ITGA2: variants seen among roughly 807,000 people sequenced by gnomAD.
The protein encoded by ITGA2 is integrin alpha-2.
ITGA2 carries 101 observed loss-of-function variants against 146.3 expected under a neutral mutation model. The ratio of observed to expected loss-of-function variants is 0.69; its 90% CI spans 0.59 to 0.81. The LOEUF is 0.81. Among genes scored for constraint, ITGA2 ranks in the 40% least tolerant of loss-of-function variants. ITGA2 has a pLI of 0.00. For missense variants in ITGA2, 1,281 were observed against 1,402.7 expected, an observed-to-expected ratio of 0.91 and a Z score of 1.39; for synonymous variants, 477 against 487.1, an observed-to-expected ratio of 0.98 and a Z score of 0.27.
intron 3 of ITGA2, among the ~76,000 whole-genome samples, chr5:53,043,342 T>C (rs1743896259): frequency 6.6e-6 from 1 of 152,134 alleles, no homozygotes; most frequent in Non-Finnish European, 1.5e-5. Flanking sequence ...TCTTAATGTA[T>C]ATATTTTTAT....
intron 1 of ITGA2, among the ~76,000 whole-genome samples, chr5:53,010,305 C>A (rs1742061174): frequency 6.6e-6 from 1 of 152,130 alleles, no homozygotes; most frequent in Admixed American, 6.6e-5. Context: ...GCCCAGAGGC[C>A]TATGGTTGAC....
At chr5:53,037,440 A>G (rs1743544863) in intron 2 of ITGA2, among the ~76,000 whole-genome samples, 1 of 152,212 alleles carries the variant, frequency 6.6e-6, no homozygotes, top group African/African-American at 2.4e-5. Context: ...TCACCAACAT[A>G]TCCAATTTCC....
intron 1 of ITGA2, among the ~76,000 whole-genome samples, chr5:52,990,914 G>T (rs1740921979): frequency 6.6e-6 from 1 of 152,118 alleles, no homozygotes; most frequent in Non-Finnish European, 1.5e-5. Context: ...TACAACTAGA[G>T]CTAATAGAAA....
In ITGA2 at chr5:53,044,274, C is replaced by CAAA. The variant is rs11421419; in HGVS notation, c.296-697_296-695dup. ...TGGATGACAGAGTGAGACTCTGTCT[C>CAAA]AAAAAAAAAAAAAAAAAAAAAAAAA... On this transcript the variant is annotated intron_variant, in intron 3 of 29. Coordinates refer to ENST00000296585, the MANE Select transcript of ITGA2 (RefSeq NM_002203.4). Among the ~76,000 whole-genome samples, 177 of 37,774 alleles carry CAAA rather than the reference C, an allele frequency of 4.7e-3. 19 individuals carry two copies. Among genetic ancestry groups the CAAA allele is most frequent in the East Asian group, 8.0e-3 (9 of 1,120 alleles). 24.8% of individuals were successfully genotyped at this position (37,774 alleles called of 152,430 possible). A position where few individuals can be genotyped will look rare whatever the true frequency, so the allele number is the denominator to read the frequency against.
In ITGA2 at chr5:53,067,294, T is replaced by G. The variant is rs748988220; in HGVS notation, c.2083+37T>G. The G allele has an allele frequency of 1.9e-6, 3 of 1,609,706 alleles. No individual in the cohort carries two copies. In the South Asian group the frequency reaches 3.3e-5, roughly 18 times the overall value. ...TGAAATAATCTGTATAGAAATTGGT[T>G]GGCTTACAGAGTTTTAGTCCTGAAT... On this transcript the variant is annotated intron_variant, in intron 16 of 29. Transcript: ENST00000296585.
chr5:52,996,623 A>G (rs1399658967), intron 1 of ITGA2, among the ~76,000 whole-genome samples: 1 of 152,204 alleles, frequency 6.6e-6, no homozygotes, highest in African/African-American at 2.4e-5. Flanking sequence ...TGATGAGCCC[A>G]TGTATACATT....
intron 24 of ITGA2, 117 bp from the exon 25 acceptor site, chr5:53,080,394 A>G (rs910870182): frequency 2.9e-5 from 23 of 798,182 alleles, no homozygotes; most frequent in Non-Finnish European, 4.6e-5. Context: ...GCTGACTTTC[A>G]TTTGGACTCA....
chr5:53,064,543 T>G (rs1236976174), intron 13 of ITGA2, among the ~76,000 whole-genome samples: 1 of 151,936 alleles, frequency 6.6e-6, no homozygotes, highest in Non-Finnish European at 1.5e-5. Context: ...TTTATCATAT[T>G]TCTTTCACTT....
intron 1 of ITGA2, among the ~76,000 whole-genome samples, chr5:53,019,524 C>T (rs1233794458): frequency 6.6e-6 from 1 of 151,894 alleles, no homozygotes; most frequent in East Asian, 1.9e-4. Context: ...GTGTCTGAGT[C>T]ACCCTTATTT....
intron 1 of ITGA2, among the ~76,000 whole-genome samples, chr5:52,999,177 ACT>A (rs762280920): frequency 1.3e-5 from 2 of 150,940 alleles, no homozygotes; most frequent in Non-Finnish European, 3.0e-5. Context: ...CTTCAGCTTG[ACT>A]CTCTCTCCCA....
chr5:53,060,602 C>T lies in ITGA2; in HGVS notation c.1313-299C>T, dbSNP rs139272011. Among the ~76,000 whole-genome samples, 86 of 151,972 alleles carry T rather than the reference C, an allele frequency of 5.7e-4. 1 individual carries two copies. The highest frequency in any genetic ancestry group is 2.0e-3 in the African/African-American group (82 of 41,508). ...TACCTTTTAAATACATTTATTCATT[C>T]GTTCAAGAAATATTTTTTGAATGCC... On this transcript the variant is annotated intron_variant, in intron 11 of 29. Transcript: ENST00000296585.
intron 1 of ITGA2, among the ~76,000 whole-genome samples, chr5:53,009,819 G>A (rs1015792153): frequency 2.6e-5 from 4 of 152,132 alleles, no homozygotes; most frequent in African/African-American, 9.7e-5. Context: ...TGCCTTGTGA[G>A]GATGCAACAA....
chr5:53,056,414 C>G (rs138540520), intron 9 of ITGA2, among the ~76,000 whole-genome samples: 1 of 151,596 alleles, frequency 6.6e-6, no homozygotes, highest in African/African-American at 2.4e-5. Flanking sequence ...TAAATTAAAC[C>G]GACAATATGT....
chr5:53,069,474 G>A (rs1228213856), intron 16 of ITGA2, among the ~76,000 whole-genome samples: 1 of 151,790 alleles, frequency 6.6e-6, no homozygotes, highest in Non-Finnish European at 1.5e-5. Context: ...AATAGGTCAA[G>A]CACTGTCCAT....
In ITGA2 at chr5:53,081,654, T is replaced by C. The variant is rs142686524; in HGVS notation, c.3102T>C (p.Ser1034=). Residue 1034 remains serine, a synonymous_variant, in exon 26 of 30, where the codon TCT becomes TCC. Transcript: ENST00000296585. ...TGAAAATAGGACAAACATCTTCTTC[T>C]GTATCTTTCAAAAGTGAAAATTTCA... ...NPLKIGQTSS[S]VSFKSENFRH... is the part of the protein sequence containing the mutation. 54 of 1,613,152 alleles carry C rather than the reference T, an allele frequency of 3.3e-5. No individual in the cohort carries two copies. In the African/African-American group the frequency reaches 6.3e-4, roughly 19 times the overall value.
At chr5:52,989,628 C>T (rs549345064) in intron 1 of ITGA2, 96 bp downstream of exon 1, 1 of 1,340,872 alleles carries the variant, frequency 7.5e-7, no homozygotes, top group East Asian at 2.3e-5. Context: ...GGAGCGAGCT[C>T]CGTGTGTTCC....
rs1166406666 is a variant in ITGA2, at chr5:53,094,720, T to C, written c.*4121T>C. 6.6e-6 allele frequency: 1 copy of C among 152,206 alleles called. No individual in the cohort carries two copies. Among genetic ancestry groups the C allele is most frequent in the Non-Finnish European group, 1.5e-5 (1 of 68,034 alleles). 9.4% of individuals were successfully genotyped at this position (152,206 alleles called of 1,614,324 possible). On this transcript the variant is annotated 3_prime_UTR_variant, in exon 30 of 30. Coordinates refer to ENST00000296585, the MANE Select transcript of ITGA2 (RefSeq NM_002203.4). Reference sequence around the variant, plus strand: ...AACCCACTTTTTTCATACCACATTATTGAATATTGTTACAATTGTTTTGAA... The same window carrying C: ...AACCCACTTTTTTCATACCACATTACTGAATATTGTTACAATTGTTTTGAA...
At chr5:53,017,573 G>A (rs1407875536) in intron 1 of ITGA2, among the ~76,000 whole-genome samples, 2 of 152,252 alleles carry the variant, frequency 1.3e-5, no homozygotes, top group African/African-American at 4.8e-5. Flanking sequence ...TTATGTGACA[G>A]CAGCTGTGGC....
At chr5:53,066,791 C>T (rs994795089) in intron 15 of ITGA2, among the ~76,000 whole-genome samples, 5 of 151,396 alleles carry the variant, frequency 3.3e-5, no homozygotes, top group African/African-American at 9.7e-5. Flanking sequence ...TTTAAAAAAA[C>T]AAGAAAATAT....
Sources: allele counts gnomAD v4.1 joint callset (sites outside exome capture counted in the v4.1 genomes callset), GRCh38; gene constraint gnomAD v4.1.1; transcripts MANE v1.5; gene names NCBI Gene and HGNC (gene_info 2026-07-23, HGNC 2026-07-21).